The following CYSLTR2 variants were observed in gnomAD, a reference collection of about 807,000 sequenced individuals.
The protein encoded by CYSLTR2 is G-protein coupled receptor GPCR21.
For missense variants in CYSLTR2, 398 were observed against 411.9 expected, an observed-to-expected ratio of 0.97 and a Z score of 0.29; for synonymous variants, 179 against 160.8, an observed-to-expected ratio of 1.11 and a Z score of -0.86.
chr13:48,709,137 G>A lies in CYSLTR2; in HGVS notation c.*1279G>A, dbSNP rs929609665. The A allele has an allele frequency of 6.0e-6, 1 of 167,076 alleles. No individual in the cohort carries two copies. Among genetic ancestry groups the A allele is most frequent in the African/African-American group, 2.4e-5 (1 of 41,454 alleles). The allele number at this position is 167,076 out of a possible 1,614,324, so 10.3% of individuals were successfully genotyped here. A position where few individuals can be genotyped will look rare whatever the true frequency, so the allele number is the denominator to read the frequency against. ...GAGTTTTAAAAATCTCTGTGCAGAA[G>A]TGTTGGCTGGGTGCTCTCCCCACCA... On this transcript the variant is annotated 3_prime_UTR_variant, in exon 5 of 5. Coordinates refer to ENST00000682523, the MANE Select transcript of CYSLTR2 (RefSeq NM_001308476.3).
chr13:48,678,732 A>G (rs1221142392), intron 1 of CYSLTR2, among the ~76,000 whole-genome samples: 2 of 152,128 alleles, frequency 1.3e-5, no homozygotes, highest in African/African-American at 4.8e-5. Flanking sequence ...CCTTTTATTA[A>G]TGAAAGGCAC....
At chr13:48,660,039 A>G (rs1953090335) in intron 1 of CYSLTR2, among the ~76,000 whole-genome samples, 1 of 152,178 alleles carries the variant, frequency 6.6e-6, no homozygotes. Context: ...CTCTTCATAT[A>G]TGATGTTTTT....
chr13:48,682,936 G>C (rs116459807), intron 1 of CYSLTR2, among the ~76,000 whole-genome samples: 3,182 of 152,200 alleles, frequency 0.021, 127 homozygotes, highest in African/African-American at 0.072. Context: ...GTGTCCATCT[G>C]TTCTCATAAT....
chr13:48,677,973 G>A (rs900580749), intron 1 of CYSLTR2, among the ~76,000 whole-genome samples: 2 of 151,198 alleles, frequency 1.3e-5, no homozygotes, highest in African/African-American at 4.9e-5. Context: ...CAGGGTTCAA[G>A]CTCTTCTCGT....
rs1410297377 is a variant in CYSLTR2 at position 48,663,098 on chromosome 13, C to T, written c.-266+9081C>T. ...TGCCCAGAACCATTTATTCAGGAGA[C>T]TGTCTTTTCCCCAATGAGTATTCTT... On this transcript the variant is annotated intron_variant, in intron 1 of 4. Transcript: ENST00000682523. 3.3e-5 allele frequency among the ~76,000 whole-genome samples: 5 copies of T among 152,048 alleles called. No individual in the cohort carries two copies. The East Asian group carries it at 9.6e-4, about 29-fold the overall frequency.
chr13:48,677,632 T>A (rs972809458), intron 1 of CYSLTR2, among the ~76,000 whole-genome samples: 3 of 152,126 alleles, frequency 2.0e-5, no homozygotes, highest in Non-Finnish European at 2.9e-5. Context: ...AAAGATGCAC[T>A]GAGAGTAAGA....
chr13:48,667,207 G>A (rs956446388), intron 1 of CYSLTR2, among the ~76,000 whole-genome samples: 1 of 152,188 alleles, frequency 6.6e-6, no homozygotes, highest in Non-Finnish European at 1.5e-5. Context: ...AGTGGCCTAG[G>A]CTGTAAGAAT....
intron 3 of CYSLTR2, among the ~76,000 whole-genome samples, chr13:48,696,214 T>G (rs1396842401): frequency 6.6e-6 from 1 of 152,270 alleles, no homozygotes; most frequent in Admixed American, 6.5e-5. Flanking sequence ...TGTTTCTATC[T>G]TTTGCACATT....
intron 1 of CYSLTR2, among the ~76,000 whole-genome samples, chr13:48,682,540 A>G (rs996378349): frequency 8.5e-5 from 13 of 152,066 alleles, no homozygotes; most frequent in African/African-American, 3.1e-4. Flanking sequence ...TGCTGTTGAG[A>G]TCCATCAAAA....
At chr13:48,660,528 A>G (rs1342185452) in intron 1 of CYSLTR2, among the ~76,000 whole-genome samples, 2 of 152,208 alleles carry the variant, frequency 1.3e-5, no homozygotes, top group Admixed American at 6.5e-5. Context: ...CACTGAGTCC[A>G]TGAAAACAAG....
rs896098113 is a variant in CYSLTR2 at position 48,710,439 on chromosome 13, T to C, written c.*2581T>C. 18 of 152,198 alleles carry C rather than the reference T, an allele frequency of 1.2e-4. 1 individual carries two copies. Among genetic ancestry groups the C allele is most frequent in the African/African-American group, 4.3e-4 (18 of 41,442 alleles). The allele number at this position is 152,198 out of a possible 1,614,324, so 9.4% of individuals were successfully genotyped here. A position where few individuals can be genotyped will look rare whatever the true frequency, so the allele number is the denominator to read the frequency against. Reference sequence around the variant, plus strand: ...TGGTATAACAGTGCTTGTGTTAAAGTCACTCTTATTTTACTTACTAATGTC... The same window carrying C: ...TGGTATAACAGTGCTTGTGTTAAAGCCACTCTTATTTTACTTACTAATGTC... On this transcript the variant is annotated 3_prime_UTR_variant, in exon 5 of 5. Transcript: ENST00000682523.
At chr13:48,675,634 G>A (rs899332537) in intron 1 of CYSLTR2, among the ~76,000 whole-genome samples, 5 of 152,112 alleles carry the variant, frequency 3.3e-5, no homozygotes, top group Admixed American at 2.0e-4. Context: ...CCTGGCTTCA[G>A]CCCCCTTTCC....
At chr13:48,697,812 G>A (rs1158141835) in intron 4 of CYSLTR2, among the ~76,000 whole-genome samples, 2 of 152,154 alleles carry the variant, frequency 1.3e-5, no homozygotes, top group Non-Finnish European at 2.9e-5. Context: ...ACTGTGTAGA[G>A]AAGTCCTTAA....
chr13:48,704,783 T>G (rs1205760454), intron 4 of CYSLTR2, among the ~76,000 whole-genome samples: 1 of 152,220 alleles, frequency 6.6e-6, no homozygotes, highest in East Asian at 1.9e-4. Context: ...ATTTCTAGTT[T>G]GATTCCCTTG....
At chr13:48,670,962 G>A (rs1044974563) in intron 1 of CYSLTR2, among the ~76,000 whole-genome samples, 3 of 152,048 alleles carry the variant, frequency 2.0e-5, no homozygotes, top group African/African-American at 7.2e-5. Flanking sequence ...CTTGAGCAGT[G>A]GTTTGTAGTT....
At position 48,711,159 on chromosome 13, in the gene CYSLTR2, C is replaced by T. The variant is rs1954620873; in HGVS notation, c.*3301C>T. ...CTTATTTTACGAACTGTGTAATTGC[C>T]TAACTTGTGAATATGTATTTCTGAA... is the stretch of plus-strand genomic sequence containing the variant. On this transcript the variant is annotated 3_prime_UTR_variant, in exon 5 of 5. Transcript: ENST00000682523. 1 of 151,920 alleles carries T rather than the reference C, an allele frequency of 6.6e-6. No homozygotes were observed. The highest frequency in any genetic ancestry group is 2.4e-5 in the African/African-American group (1 of 41,354). 9.4% of individuals were successfully genotyped at this position (151,920 alleles called of 1,614,324 possible). A position where few individuals can be genotyped will look rare whatever the true frequency, so the allele number is the denominator to read the frequency against.
chr13:48,685,383 C>T (rs1593985685), intron 1 of CYSLTR2, among the ~76,000 whole-genome samples: 1 of 152,198 alleles, frequency 6.6e-6, no homozygotes, highest in Non-Finnish European at 1.5e-5. Context: ...CAGGCCCCAC[C>T]TCCAACACTG....
chr13:48,679,428 C>T (rs1953690143), intron 1 of CYSLTR2, among the ~76,000 whole-genome samples: 1 of 152,134 alleles, frequency 6.6e-6, no homozygotes, highest in Admixed American at 6.6e-5. Flanking sequence ...ATACACAGGG[C>T]TGAGTATATG....
At chr13:48,667,474 A>T (rs774164687) in intron 1 of CYSLTR2, among the ~76,000 whole-genome samples, 1 of 152,148 alleles carries the variant, frequency 6.6e-6, no homozygotes, top group Non-Finnish European at 1.5e-5. Context: ...GCCTGAGGGA[A>T]CATCTGCTGG....
Sources: gnomAD v4.1 joint callset for allele counts (sites outside exome capture counted in the v4.1 genomes callset) on GRCh38, gnomAD v4.1.1 for gene constraint, MANE v1.5 for transcripts, NCBI Gene and HGNC (gene_info 2026-07-23, HGNC 2026-07-21) for gene names.